Variants in SERPINA4 observed in about 807,000 individuals in gnomAD.
SERPINA4 encodes the protein serpin family A member 4, also known as kallistatin.
SERPINA4 carries 24 observed loss-of-function variants against 25.4 expected under a neutral mutation model. The ratio of observed to expected loss-of-function variants is 0.95; its 90% confidence interval spans 0.69 to 1.33. SERPINA4 has a LOEUF of 1.33. Among genes scored for constraint, SERPINA4 ranks in the 40% most tolerant of loss-of-function variants. SERPINA4 has a pLI of 0.00. For synonymous variants in SERPINA4, 242 were observed against 223.6 expected (o/e 1.08, Z -0.73); for missense variants, 553 against 535.8 (o/e 1.03, Z -0.32).
intron 1 of SERPINA4, among the ~76,000 whole-genome samples, chr14:94,562,617 A>C (rs540456094): frequency 3.3e-5 from 5 of 152,266 alleles, no homozygotes; most frequent in East Asian, 1.9e-4. Context: ...AAACAAACAA[A>C]CAACCAAACA....
In SERPINA4 at chr14:94,563,634, T is replaced by G. The variant is rs903019977; in HGVS notation, c.152T>G (p.Ile51Arg). The G allele has an allele frequency of 4.3e-6, 7 of 1,613,812 alleles. No homozygotes were observed. The highest frequency in any genetic ancestry group is 1.6e-4 in the Middle Eastern group (1 of 6,084). Residue 51 changes from isoleucine (I) to arginine (R), a missense_variant, in exon 2 of 5, where the codon ATA (isoleucine) becomes AGA (arginine). Ile to Arg is a moderately conservative substitution (Grantham distance 97). Transcript: ENST00000557004. ...ETGEGSPSLK[I>R]APANADFAFR... ...GGTGAGGGCTCCCCCAGCCTCAAGA[T>G]AGCCCCTGCCAATGCTGACTTTGCC... is the stretch of plus-strand genomic sequence containing the variant.
Position 94,569,706 on chromosome 14 carries a change from G to A in SERPINA4, c.*111G>A. ...GACAAGGATGACACCGAAGGTCCAG[G>A]AGTCCAGGACAGCAGGTGCTGGCCG... On this transcript the variant is annotated 3_prime_UTR_variant, in exon 5 of 5. Transcript: ENST00000557004. 1 of 1,234,478 alleles carries A rather than the reference G, an allele frequency of 8.1e-7. No individual in the cohort carries two copies. The highest frequency in any genetic ancestry group is 2.4e-5 in the East Asian group (1 of 40,970). The allele number at this position is 1,234,478 out of a possible 1,614,324, so 76.5% of individuals were successfully genotyped here.
chr14:94,562,959 T>G (rs562948500), intron 1 of SERPINA4, among the ~76,000 whole-genome samples: 2 of 152,172 alleles, frequency 1.3e-5, no homozygotes, highest in Non-Finnish European at 2.9e-5. Context: ...TTGTAAACCA[T>G]ATAAAGCACT....
chr14:94,563,431 G>A lies in SERPINA4; in HGVS notation c.-17-35G>A, dbSNP rs776853787. The A allele has an allele frequency of 1.9e-6, 3 of 1,560,840 alleles. No individual in the cohort carries two copies. The East Asian group carries it at 6.8e-5, about 35-fold the overall frequency. The stretch of plus-strand genomic sequence containing the variant: ...CTCAGTAGGGCCAGGTGTTCTTCTG[G>A]GGGAATTTCCTGGGCATTCTCTTCC... On this transcript the variant is annotated intron_variant, in intron 1 of 4. Transcript: ENST00000557004.
At chr14:94,561,819 G>A in intron 1 of SERPINA4, 1 of 1,289,842 alleles carries the variant, frequency 7.8e-7, no homozygotes, top group South Asian at 1.2e-5. Flanking sequence ...GGTGATCTTG[G>A]GGAGCTCATG....
chr14:94,568,150 G>T lies in SERPINA4; in HGVS notation c.945G>T (p.Glu315Asp), dbSNP rs1902279138. ...LRKRNFYKKL[E>D]LHLPKFSISG... ...TCAGGAATTTTTACAAGAAGCTAGA[G>T]TTGCATCTTCCCAAGTTCTCCATTT... Residue 315 changes from glutamate (E) to aspartate (D), a missense_variant, in exon 4 of 5, where the codon GAG (glutamate) becomes GAT (aspartate). Transcript: ENST00000557004. The T allele has an allele frequency of 3.1e-6, 5 of 1,614,086 alleles. No individual in the cohort carries two copies. The East Asian group carries it at 1.1e-4, about 36-fold the overall frequency.
At chr14:94,564,553 A>G (rs942244433) in intron 2 of SERPINA4, among the ~76,000 whole-genome samples, 4 of 152,246 alleles carry the variant, frequency 2.6e-5, no homozygotes, top group African/African-American at 9.6e-5. Flanking sequence ...AAGGGTCTAA[A>G]GAGATGGGCA....
rs1902339029 is a variant in SERPINA4 at position 94,569,755 on chromosome 14, A to G, written c.*160A>G. ...CGGTGGGGAGCGGGGAGGGGCACTG[A>G]GATGGGCAGGGCCTGGACATTCCAC... On this transcript the variant is annotated 3_prime_UTR_variant, in exon 5 of 5. Coordinates refer to ENST00000557004, the MANE Select transcript of SERPINA4 (RefSeq NM_006215.4). 3.2e-5 allele frequency: 23 copies of G among 717,534 alleles called. No individual in the cohort carries two copies. Among genetic ancestry groups the G allele is most frequent in the Non-Finnish European group, 5.1e-5 (22 of 433,378 alleles). 44.4% of individuals were successfully genotyped at this position (717,534 alleles called of 1,614,324 possible).
At chr14:94,569,179 A>T (rs544896756) in intron 4 of SERPINA4, among the ~76,000 whole-genome samples, 2 of 152,314 alleles carry the variant, frequency 1.3e-5, no homozygotes, top group South Asian at 4.1e-4. Context: ...GCACAGAGCA[A>T]GTGCTCATTT....
rs769316706 is a variant in SERPINA4 at position 94,569,396 on chromosome 14, G to C, written c.1085G>C (p.Ser362Thr). 3 of 1,613,518 alleles carry C rather than the reference G, an allele frequency of 1.9e-6. No individual in the cohort carries two copies. The South Asian group carries it at 3.3e-5, about 18-fold the overall frequency. Reference protein sequence around the residue: ...TKQQKLEASKSFHKATLDVDE... With the variant: ...TKQQKLEASKTFHKATLDVDE... ...TAATGCTTGTGATTTTCCTCCCAGA[G>C]TTTCCACAAGGCCACCTTGGACGTG... The change falls in exon 5 of 5, where the codon AGT becomes ACT. Residue 362 changes from serine to threonine, a missense_variant and splice_region_variant. Coordinates refer to ENST00000557004, the MANE Select transcript of SERPINA4 (RefSeq NM_006215.4).
At chr14:94,568,818 C>A (rs1308488796) in intron 4 of SERPINA4, among the ~76,000 whole-genome samples, 1 of 147,178 alleles carries the variant, frequency 6.8e-6, no homozygotes, top group Non-Finnish European at 1.5e-5. Flanking sequence ...GACCAGAGAT[C>A]AGGCCACTGC....
At chr14:94,562,717 C>T (rs757216359) in intron 1 of SERPINA4, among the ~76,000 whole-genome samples, 1 of 152,136 alleles carries the variant, frequency 6.6e-6, no homozygotes, top group African/African-American at 2.4e-5. Flanking sequence ...GCCTGACAAC[C>T]GGATACTGGT....
At position 94,567,254 on chromosome 14, in the gene SERPINA4, T is replaced by C. The variant is rs761366467; in HGVS notation, c.923+11T>C. 1.2e-6 allele frequency: 2 copies of C among 1,608,962 alleles called. No homozygotes were observed. The highest frequency in any genetic ancestry group is 3.3e-5 in the Admixed American group (2 of 59,804). ...CTTGTTGCGGAAGAGGTAATCAGTG[T>C]GCTATGGGGGCTGAATCTACAGTAC... On this transcript the variant is annotated intron_variant, in intron 3 of 4. Coordinates refer to ENST00000557004, the MANE Select transcript of SERPINA4 (RefSeq NM_006215.4).
At chr14:94,568,022 C>T (rs887502838) in intron 3 of SERPINA4, 107 bp from the exon 4 acceptor site, 1 of 1,133,438 alleles carries the variant, frequency 8.8e-7, no homozygotes, top group African/African-American at 1.5e-5. Context: ...GGGGACAGAA[C>T]TCAGATGGAA....
At chr14:94,563,419 G>A (rs747447658) in intron 1 of SERPINA4, 47 bp from the exon 2 acceptor site, 4 of 1,548,758 alleles carry the variant, frequency 2.6e-6, no homozygotes, top group East Asian at 4.5e-5. Context: ...AGTAGGGCCA[G>A]GTGTTCTTCT....
chr14:94,565,755 G>A (rs1446468847), intron 2 of SERPINA4, among the ~76,000 whole-genome samples: 1 of 152,064 alleles, frequency 6.6e-6, no homozygotes, highest in East Asian at 1.9e-4. Flanking sequence ...CCACTTGGGA[G>A]GCTGAGGCAG....
chr14:94,565,137 G>C (rs1321509634), intron 2 of SERPINA4, among the ~76,000 whole-genome samples: 1 of 152,238 alleles, frequency 6.6e-6, no homozygotes, highest in Non-Finnish European at 1.5e-5. Flanking sequence ...TGGAAGGACA[G>C]AGAGAAAGTT....
intron 2 of SERPINA4, among the ~76,000 whole-genome samples, chr14:94,566,756 A>G (rs965914194): frequency 1.4e-4 from 22 of 152,370 alleles, no homozygotes; most frequent in Admixed American, 2.6e-4. Context: ...ATCCTCTGCT[A>G]TCTCTCATTT....
intron 1 of SERPINA4, 98 bp from the exon 2 acceptor site, chr14:94,563,368 C>A: frequency 7.9e-7 from 1 of 1,262,280 alleles, no homozygotes; most frequent in Non-Finnish European, 1.1e-6. Flanking sequence ...TTGAGGGTGT[C>A]ACTCACGATC....
Sources: gnomAD v4.1 joint callset for allele counts (sites outside exome capture counted in the v4.1 genomes callset) on GRCh38, gnomAD v4.1.1 for gene constraint, MANE v1.5 for transcripts, NCBI Gene and HGNC (gene_info 2026-07-23, HGNC 2026-07-21) for gene names.